The following POLR2B variants were observed in gnomAD, a reference collection of about 807,000 sequenced individuals.
POLR2B encodes DNA-directed RNA polymerase II subunit RPB2.
In POLR2B, 57 loss-of-function variants were observed where a neutral mutation model predicts 144.6. That is an observed-to-expected ratio of 0.39 (90% CI 0.32 to 0.49). The LOEUF (loss-of-function observed/expected upper bound fraction) is 0.49. Ranked by LOEUF, POLR2B falls within the 20% of genes least tolerant of loss-of-function variation. POLR2B has a pLI of 0.83. For missense variants in POLR2B, 595 were observed against 1,467.4 expected (o/e 0.41, Z 9.71); for synonymous variants, 442 against 469.8 (o/e 0.94, Z 0.77).
chr4:56,995,465 T>A, intron 6 of POLR2B, 56 bp downstream of exon 6: 1 of 1,283,996 alleles, frequency 7.8e-7, no homozygotes, highest in Non-Finnish European at 1.1e-6. Context: ...TGTTTTAAAA[T>A]TTACTAGACT....
chr4:57,020,518 G>T (rs935839984), intron 16 of POLR2B, among the ~76,000 whole-genome samples: 1 of 152,146 alleles, frequency 6.6e-6, no homozygotes, highest in African/African-American at 2.4e-5. Flanking sequence ...GGGATCATGG[G>T]TAGATTATTA....
chr4:56,999,894 A>G (rs1183657610), intron 7 of POLR2B, 113 bp downstream of exon 7: 2 of 690,228 alleles, frequency 2.9e-6, no homozygotes, highest in African/African-American at 1.8e-5. Flanking sequence ...TTTAGCTGTC[A>G]CAAATCTTAT....
At chr4:56,982,657 A>G (rs1319624432) in intron 1 of POLR2B, among the ~76,000 whole-genome samples, 1 of 152,144 alleles carries the variant, frequency 6.6e-6, no homozygotes. Context: ...TTCCATAAAC[A>G]TTACAAGTAA....
At chr4:57,004,114 C>T (rs1217689974) in intron 7 of POLR2B, among the ~76,000 whole-genome samples, 1 of 148,592 alleles carries the variant, frequency 6.7e-6, no homozygotes, top group African/African-American at 2.5e-5. Flanking sequence ...GCAACCTCCA[C>T]CTCCCAGGTT....
chr4:56,980,799 T>C (rs544877360), intron 1 of POLR2B, among the ~76,000 whole-genome samples: 92 of 151,828 alleles, frequency 6.1e-4, no homozygotes, highest in Non-Finnish European at 9.9e-4. Context: ...GAGGTTCTTA[T>C]CACTCCACAG....
At position 56,994,779 on chromosome 4, in the gene POLR2B, G is replaced by T. The variant is rs751181447; in HGVS notation, c.489G>T (p.Leu163Phe). 6.2e-7 allele frequency: 1 copy of T among 1,613,870 alleles called. No individual in the cohort carries two copies. Among genetic ancestry groups the T allele is most frequent in the South Asian group, 1.1e-5 (1 of 91,078 alleles). ...PIMLRSTYCL[L>F]NGLTDRDLCE... The stretch of plus-strand genomic sequence containing the variant: ...TGTTGCGGTCAACTTACTGCCTTTT[G>T]AATGGCTTGACAGATCGTGATCTTT... Residue 163 changes from leucine (L) to phenylalanine (F), a missense_variant, in exon 5 of 25, where the codon TTG becomes TTT. This residue lies in a region of POLR2B where 251 missense variants were observed against 567.3 expected (regional missense o/e 0.44). Transcript: ENST00000314595.
chr4:56,982,674 A>G (rs912297096), intron 1 of POLR2B, among the ~76,000 whole-genome samples: 3 of 152,134 alleles, frequency 2.0e-5, no homozygotes, highest in African/African-American at 7.2e-5. Context: ...GTAAATAATT[A>G]TTTATATAGC....
intron 1 of POLR2B, chr4:56,986,152 C>T (rs1169499476): frequency 1.8e-6 from 1 of 566,978 alleles, no homozygotes; most frequent in East Asian, 3.3e-5. Context: ...TTCTAATAAA[C>T]CTCTTTTTAT....
chr4:57,020,270 G>A (rs1477855177), intron 16 of POLR2B, among the ~76,000 whole-genome samples: 1 of 152,160 alleles, frequency 6.6e-6, no homozygotes, highest in Non-Finnish European at 1.5e-5. Flanking sequence ...TTGACCTTGT[G>A]ATCCACCTGC....
intron 1 of POLR2B, among the ~76,000 whole-genome samples, chr4:56,980,089 A>AT (rs58541865): frequency 0.038 from 5,261 of 139,068 alleles, 334 homozygotes; most frequent in South Asian, 0.25. Context: ...CAAAAGCTTA[A>AT]TTTTTTTTTT....
At chr4:57,008,160 CTG>C (rs1723079917) in intron 10 of POLR2B, among the ~76,000 whole-genome samples, 1 of 151,156 alleles carries the variant, frequency 6.6e-6, no homozygotes, top group Admixed American at 6.6e-5. Flanking sequence ...ATGCCCTGTG[CTG>C]TGTTATGACA....
intron 1 of POLR2B, among the ~76,000 whole-genome samples, chr4:56,980,036 T>G (rs745881127): frequency 6.6e-6 from 1 of 152,006 alleles, no homozygotes; most frequent in African/African-American, 2.4e-5. Flanking sequence ...CCTCTCTCTA[T>G]TCCCTCAGGT....
intron 2 of POLR2B, among the ~76,000 whole-genome samples, chr4:56,990,496 T>C (rs1722480705): frequency 6.6e-6 from 1 of 152,222 alleles, no homozygotes; most frequent in Admixed American, 6.5e-5. Flanking sequence ...TTATAGTTCT[T>C]ATATTGTGCT....
chr4:57,011,130 CTG>C (rs780616386), intron 13 of POLR2B, 30 bp downstream of exon 13: 1 of 1,406,694 alleles, frequency 7.1e-7, no homozygotes, highest in Admixed American at 1.7e-5. Context: ...AGGGTGTGGA[CTG>C]TGAGATTTTT....
chr4:56,986,694 A>G, intron 2 of POLR2B: 1 of 233,782 alleles, frequency 4.3e-6, no homozygotes, highest in South Asian at 1.0e-4. Context: ...AACATGTGAG[A>G]GTAACTTGCA....
At chr4:56,986,568 G>C in intron 2 of POLR2B, 142 bp downstream of exon 2, 1 of 504,370 alleles carries the variant, frequency 2.0e-6, no homozygotes, top group Non-Finnish European at 3.5e-6. Context: ...AAGTATTTCA[G>C]ATCTAAAAGT....
chr4:57,021,179 G>A (rs1022139112), intron 17 of POLR2B, among the ~76,000 whole-genome samples, 184 bp downstream of exon 17: 1 of 152,148 alleles, frequency 6.6e-6, no homozygotes, highest in Middle Eastern at 3.2e-3. Context: ...CTAGTATTTT[G>A]AGCCTTTCTT....
intron 2 of POLR2B, among the ~76,000 whole-genome samples, chr4:56,988,621 A>G (rs1722407292): frequency 6.6e-6 from 1 of 152,160 alleles, no homozygotes; most frequent in Non-Finnish European, 1.5e-5. Context: ...CCCTGCCATA[A>G]TATCTTTTGC....
At chr4:57,007,621 A>G (rs1723063106) in intron 10 of POLR2B, among the ~76,000 whole-genome samples, 1 of 152,192 alleles carries the variant, frequency 6.6e-6, no homozygotes, top group South Asian at 2.1e-4. Flanking sequence ...TTAGAAGCCA[A>G]CTAAGAGATA....
Sources: allele counts gnomAD v4.1 joint callset (sites outside exome capture counted in the v4.1 genomes callset), GRCh38; gene constraint gnomAD v4.1.1; regional missense constraint gnomAD v4.1.1; transcripts MANE v1.5; gene names NCBI Gene and HGNC (gene_info 2026-07-23, HGNC 2026-07-21).